Variants in ZC3H7B observed in about 807,000 individuals in gnomAD.
ZC3H7B encodes the protein zinc finger CCCH domain-containing protein 7B.
In ZC3H7B, 35 loss-of-function variants were observed where a neutral mutation model predicts 116.0. The ratio of observed to expected loss-of-function variants is 0.30; its 90% CI spans 0.23 to 0.40. ZC3H7B has a LOEUF of 0.40. ZC3H7B is among the 10% of genes least tolerant of loss of function. ZC3H7B has a pLI of 1.00. For synonymous variants in ZC3H7B, 502 were observed against 545.6 expected, an observed-to-expected ratio of 0.92 and a Z score of 1.11; for missense variants, 1,011 against 1,321.5, an observed-to-expected ratio of 0.77 and a Z score of 3.64.
In ZC3H7B at chr22:41,339,154, T is replaced by C; in HGVS notation, c.779T>C (p.Val260Ala). The change falls in exon 9 of 23, where the codon GTC (valine) becomes GCC (alanine). Residue 260 changes from valine (V) to alanine (A), a missense_variant. Transcript: ENST00000352645. ...DSLDDFSDGD[V>A]FGPELDTLLD... ...CTGGATGACTTCTCAGACGGGGATG[T>C]CTTTGGCCCAGAGCTGGACACCCTC... The C allele has an allele frequency of 1.2e-6, 2 of 1,612,382 alleles. No individual in the cohort carries two copies. Among genetic ancestry groups the C allele is most frequent in the Non-Finnish European group, 1.7e-6 (2 of 1,179,248 alleles).
chr22:41,317,849 G>GCCCA (rs1286700441), intron 1 of ZC3H7B, among the ~76,000 whole-genome samples: 1 of 152,086 alleles, frequency 6.6e-6, no homozygotes, highest in Non-Finnish European at 1.5e-5. Flanking sequence ...GTAGGGCTGG[G>GCCCA]GCCTTTGGTC....
chr22:41,345,700 C>T (rs375307244), intron 13 of ZC3H7B, among the ~76,000 whole-genome samples: 49 of 152,128 alleles, frequency 3.2e-4, no homozygotes, highest in African/African-American at 1.1e-3. Flanking sequence ...AGTGCAGAAG[C>T]GGGCCTTGTA....
intron 17 of ZC3H7B, among the ~76,000 whole-genome samples, chr22:41,355,076 G>A (rs1043660330): frequency 3.3e-5 from 5 of 152,236 alleles, no homozygotes; most frequent in Admixed American, 3.3e-4. Context: ...GCTTCCCACA[G>A]GAGATGCGCT....
At chr22:41,354,955 C>G (rs563100926) in intron 17 of ZC3H7B, among the ~76,000 whole-genome samples, 1 of 152,198 alleles carries the variant, frequency 6.6e-6, no homozygotes, top group Non-Finnish European at 1.5e-5. Context: ...CTGGACCCCC[C>G]GCTCTACAGG....
In ZC3H7B at chr22:41,358,777, CT is replaced by C. The variant is rs1163845643; in HGVS notation, c.*1349del. ...GTCTGACATGTCTGTGTGCACCCCCCTCCTCTCCACCCTACCTTCCATCAAC... is the reference window on the plus strand; with the variant it reads ...GTCTGACATGTCTGTGTGCACCCCCCCCTCTCCACCCTACCTTCCATCAAC... On this transcript the variant is annotated 3_prime_UTR_variant, in exon 23 of 23. Coordinates refer to ENST00000352645, the MANE Select transcript of ZC3H7B (RefSeq NM_017590.6). The C allele has an allele frequency of 6.5e-6, 1 of 154,912 alleles. No individual in the cohort carries two copies. Among genetic ancestry groups the C allele is most frequent in the Non-Finnish European group, 1.5e-5 (1 of 68,308 alleles). The allele number at this position is 154,912 out of a possible 1,614,324, so 9.6% of individuals were successfully genotyped here.
intron 1 of ZC3H7B, among the ~76,000 whole-genome samples, chr22:41,312,951 ATAGAT>A (rs1471076425): frequency 1.3e-5 from 2 of 152,100 alleles, no homozygotes; most frequent in Non-Finnish European, 2.9e-5. Context: ...AGGGATTTTC[ATAGAT>A]TAAATTCTTG....
At chr22:41,356,509 G>T in intron 21 of ZC3H7B, 33 bp downstream of exon 21, 1 of 1,613,176 alleles carries the variant, frequency 6.2e-7, no homozygotes, top group Non-Finnish European at 8.5e-7. Flanking sequence ...TCGGGGCTGC[G>T]GTCGGGGCTG....
intron 5 of ZC3H7B, among the ~76,000 whole-genome samples, chr22:41,328,235 T>C (rs1411206907): frequency 6.6e-6 from 1 of 152,142 alleles, no homozygotes; most frequent in Admixed American, 6.6e-5. Flanking sequence ...TACTTACTCA[T>C]GAGGAGGACA....
chr22:41,343,357 A>G (rs1024989333), intron 12 of ZC3H7B, 58 bp from the exon 13 acceptor site: 1 of 1,564,118 alleles, frequency 6.4e-7, no homozygotes. Context: ...TGGGCCTGCC[A>G]GCCATCACTC....
At chr22:41,356,239 A>C in intron 20 of ZC3H7B, 104 bp from the exon 21 acceptor site, 1 of 1,561,390 alleles carries the variant, frequency 6.4e-7, no homozygotes, top group Admixed American at 1.9e-5. Context: ...GCGGCCTATC[A>C]GCAGGACTTG....
chr22:41,311,068 C>CTT (rs747090159), intron 1 of ZC3H7B, among the ~76,000 whole-genome samples: 141 of 132,114 alleles, frequency 1.1e-3, no homozygotes, highest in Non-Finnish European at 1.7e-3. Flanking sequence ...CCCAGCCTCA[C>CTT]TTTTTTTTTT....
At chr22:41,353,412 C>T (rs1688930867) in intron 17 of ZC3H7B, among the ~76,000 whole-genome samples, 1 of 152,250 alleles carries the variant, frequency 6.6e-6, no homozygotes, top group African/African-American at 2.4e-5. Context: ...GCCCTCGTAT[C>T]TCCTGGGGTG....
intron 13 of ZC3H7B, 76 bp from the exon 14 acceptor site, chr22:41,345,927 C>A: frequency 6.7e-7 from 1 of 1,488,586 alleles, no homozygotes; most frequent in African/African-American, 1.4e-5. Flanking sequence ...GCCCCACAGG[C>A]CGCAGCGGGG....
intron 1 of ZC3H7B, among the ~76,000 whole-genome samples, chr22:41,307,532 G>T (rs879353423): frequency 2.6e-5 from 4 of 152,200 alleles, no homozygotes; most frequent in Non-Finnish European, 5.9e-5. Context: ...GGTAACTTCA[G>T]TTCTGCAGCA....
At chr22:41,311,518 A>T (rs1210912730) in intron 1 of ZC3H7B, among the ~76,000 whole-genome samples, 1 of 152,032 alleles carries the variant, frequency 6.6e-6, no homozygotes, top group East Asian at 1.9e-4. Context: ...GGAGTTGGGA[A>T]GGTGTGTGTG....
intron 17 of ZC3H7B, among the ~76,000 whole-genome samples, chr22:41,353,338 G>T (rs1298441936): frequency 6.6e-6 from 1 of 152,196 alleles, no homozygotes; most frequent in African/African-American, 2.4e-5. Flanking sequence ...TCCGGGGCTC[G>T]CTCTTCTCCC....
chr22:41,339,146 C>T lies in ZC3H7B; in HGVS notation c.771C>T (p.Asp257=), dbSNP rs774206921. The change falls in exon 9 of 23, where the codon GAC becomes GAT. Residue 257 remains aspartate (D), a synonymous_variant. Coordinates refer to ENST00000352645, the MANE Select transcript of ZC3H7B (RefSeq NM_017590.6). Reference sequence around the variant, plus strand: ...CCGACAGCCTGGATGACTTCTCAGACGGGGATGTCTTTGGCCCAGAGCTGG... The same window carrying T: ...CCGACAGCCTGGATGACTTCTCAGATGGGGATGTCTTTGGCCCAGAGCTGG... The part of the protein sequence containing the change: ...PSTDSLDDFS[D]GDVFGPELDT... 36 of 1,612,608 alleles carry T rather than the reference C, an allele frequency of 2.2e-5. No homozygotes were observed. Among genetic ancestry groups the T allele is most frequent in the Admixed American group, 3.3e-5 (2 of 59,864 alleles).
chr22:41,334,182 T>G (rs893475029), intron 7 of ZC3H7B: 3 of 152,212 alleles, frequency 2.0e-5, no homozygotes, highest in African/African-American at 7.2e-5. Flanking sequence ...TTCTATTCAT[T>G]TATTCGGAAG....
rs2036362396 is a variant in ZC3H7B at position 41,330,015 on chromosome 22, C to T, written c.445-8C>T. The T allele has an allele frequency of 6.2e-7, 1 of 1,613,672 alleles. No homozygotes were observed. The highest frequency in any genetic ancestry group is 8.5e-7 in the Non-Finnish European group (1 of 1,179,974). On this transcript the variant is annotated splice_polypyrimidine_tract_variant and splice_region_variant and intron_variant, in intron 5 of 22. Coordinates refer to ENST00000352645, the MANE Select transcript of ZC3H7B (RefSeq NM_017590.6). ...CTGACCCACCGCCCTGTGTCTTGTC[C>T]TCTGCAGGATGAAAGCGTGACTCAG...
Sources: gnomAD v4.1 joint callset for allele counts (sites outside exome capture counted in the v4.1 genomes callset) on GRCh38, gnomAD v4.1.1 for gene constraint, MANE v1.5 for transcripts, NCBI Gene and HGNC (gene_info 2026-07-23, HGNC 2026-07-21) for gene names.